HAPLN3: variants seen among roughly 807,000 people sequenced by gnomAD.
The protein encoded by HAPLN3 is extracellular link domain containing, 1.
HAPLN3 carries 28 observed loss-of-function variants against 28.1 expected under a neutral mutation model. The observed-to-expected ratio is 1.00, with a 90% CI of 0.74 to 1.37. The LOEUF (loss-of-function observed/expected upper bound fraction) is 1.37, where lower values mean the gene tolerates loss of function less well. HAPLN3 is among the 40% of genes most tolerant of loss of function. The pLI is 0.00. For missense variants in HAPLN3, 513 were observed against 504.6 expected, an observed-to-expected ratio of 1.02 and a Z score of -0.16; for synonymous variants, 211 against 213.1, an observed-to-expected ratio of 0.99 and a Z score of 0.09.
Position 88,880,147 on chromosome 15 carries a change from C to T in HAPLN3, c.494-878G>A, listed in dbSNP as rs1446812643. On this transcript the variant is annotated intron_variant, in intron 3 of 4. Coordinates refer to ENST00000359595, the MANE Select transcript of HAPLN3 (RefSeq NM_178232.4). The surrounding 1 kb of genome is among the most constrained non-coding windows in gnomAD (Gnocchi z 6.0). ...CCTGACAGTCAGCTTGCAGCCTCTACGTGTGTTTGCAGGGGGACTATTTCA... is the reference window on the plus strand; with the variant it reads ...CCTGACAGTCAGCTTGCAGCCTCTATGTGTGTTTGCAGGGGGACTATTTCA... 5.6e-5 allele frequency: 56 copies of T among 995,594 alleles called. No homozygotes were observed. Among genetic ancestry groups the T allele is most frequent in the Non-Finnish European group, 6.3e-5 (53 of 836,636 alleles). 61.7% of individuals were successfully genotyped at this position (995,594 alleles called of 1,614,324 possible). A position where few individuals can be genotyped will look rare whatever the true frequency, so the allele number is the denominator to read the frequency against.
At position 88,892,972 on chromosome 15, in the gene HAPLN3, AC is replaced by A. The variant is rs1487370720; in HGVS notation, c.-48+2486del. On this transcript the variant is annotated intron_variant, in intron 1 of 4. Transcript: ENST00000359595. ...GCCCAAGACCAAGTCCAGCCCAGTC[AC>A]CTTGGCAGTGGATAGTTCCCCAAAT... 5.2e-6 allele frequency: 8 copies of A among 1,535,828 alleles called. No homozygotes were observed. In the East Asian group the frequency reaches 2.0e-4, roughly 38 times the overall value.
rs1285346597 is a variant in HAPLN3 at position 88,878,135 on chromosome 15, A to G, written c.918T>C (p.His306=). 6.2e-7 allele frequency: 1 copy of G among 1,614,132 alleles called. No individual in the cohort carries two copies. The highest frequency in any genetic ancestry group is 2.2e-5 in the East Asian group (1 of 44,868). Residue 306 remains histidine, a synonymous_variant, in exon 5 of 5, where the codon CAT becomes CAC. Coordinates refer to ENST00000359595, the MANE Select transcript of HAPLN3 (RefSeq NM_178232.4). The part of the protein sequence containing the change: ...VGQLFAAWKF[H]GLDRCDAGWL... ...AGCCAGCGTCGCAGCGGTCCAGGCCATGGAACTTCCAGGCGGCAAAGAGCT... is the reference window on the plus strand; with the variant it reads ...AGCCAGCGTCGCAGCGGTCCAGGCCGTGGAACTTCCAGGCGGCAAAGAGCT...
At chr15:88,883,407 T>A (rs532988748) in intron 2 of HAPLN3, among the ~76,000 whole-genome samples, 2 of 152,226 alleles carry the variant, frequency 1.3e-5, no homozygotes, top group African/African-American at 4.8e-5. Context: ...AAGTCAAGAC[T>A]CAGCTTCCCC....
Position 88,880,506 on chromosome 15 carries a change from CATGTCAT to C in HAPLN3, c.493+844_493+850del, listed in dbSNP as rs1567200287. 2 of 1,271,220 alleles carry C rather than the reference CATGTCAT, an allele frequency of 1.6e-6. No homozygotes were observed. Among genetic ancestry groups the C allele is most frequent in the South Asian group, 2.5e-5 (2 of 80,050 alleles). 78.7% of individuals were successfully genotyped at this position (1,271,220 alleles called of 1,614,324 possible). A position where few individuals can be genotyped will look rare whatever the true frequency, so the allele number is the denominator to read the frequency against. Reference sequence around the variant, plus strand: ...CTAAGGGGGATGAGGCATTTACCCACATGTCATAGCTGGGACGGGCTGGGGCTAAAGT... The same window carrying C: ...CTAAGGGGGATGAGGCATTTACCCACAGCTGGGACGGGCTGGGGCTAAAGT... On this transcript the variant is annotated intron_variant, in intron 3 of 4. Coordinates refer to ENST00000359595, the MANE Select transcript of HAPLN3 (RefSeq NM_178232.4). The surrounding 1 kb of genome is among the most constrained non-coding windows in gnomAD (Gnocchi z 6.0).
At position 88,881,816 on chromosome 15, in the gene HAPLN3, C is replaced by T. The variant is rs905680333; in HGVS notation, c.125-91G>A. The T allele has an allele frequency of 5.5e-6, 8 of 1,447,318 alleles. No homozygotes were observed. The highest frequency in any genetic ancestry group is 2.3e-5 in the Admixed American group (1 of 44,320). 89.7% of individuals were successfully genotyped at this position (1,447,318 alleles called of 1,614,324 possible). The stretch of plus-strand genomic sequence containing the variant: ...CGCACACCCTCATCCACGGCTCCTA[C>T]AGGCTCAGATTGCAAAAATGGCCAC... On this transcript the variant is annotated intron_variant, in intron 2 of 4. Transcript: ENST00000359595. The surrounding 1 kb of genome is among the most constrained non-coding windows in gnomAD (Gnocchi z 6.0).
Position 88,887,155 on chromosome 15 carries a change from G to T in HAPLN3, c.124+20C>A, listed in dbSNP as rs144313123. 6.8e-6 allele frequency: 11 copies of T among 1,613,806 alleles called. No homozygotes were observed. The Admixed American group carries it at 1.7e-4, about 24-fold the overall frequency. On this transcript the variant is annotated intron_variant, in intron 2 of 4. Transcript: ENST00000359595. ...AGGTCACCCAGGGGAGCAAAGAGCC[G>T]GGTGCAGGAGGTCGCCTACCTTTGC... is the stretch of plus-strand genomic sequence containing the variant.
chr15:88,884,093 G>C (rs1897780522), intron 2 of HAPLN3, among the ~76,000 whole-genome samples: 1 of 151,734 alleles, frequency 6.6e-6, no homozygotes, highest in Non-Finnish European at 1.5e-5. Flanking sequence ...AAAAGAAAAG[G>C]CTAGAAAGAG....
At chr15:88,889,460 C>A (rs968244418) in intron 1 of HAPLN3, among the ~76,000 whole-genome samples, 3 of 152,170 alleles carry the variant, frequency 2.0e-5, no homozygotes, top group Non-Finnish European at 4.4e-5. Context: ...CTCAGCCTCC[C>A]GAGTAGCTGG....
At position 88,880,146 on chromosome 15, in the gene HAPLN3, A is replaced by G. The variant is rs1897658108; in HGVS notation, c.494-877T>C. 1 of 995,952 alleles carries G rather than the reference A, an allele frequency of 1.0e-6. No individual in the cohort carries two copies. The allele number at this position is 995,952 out of a possible 1,614,324, so 61.7% of individuals were successfully genotyped here. The stretch of plus-strand genomic sequence containing the variant: ...CCCTGACAGTCAGCTTGCAGCCTCT[A>G]CGTGTGTTTGCAGGGGGACTATTTC... On this transcript the variant is annotated intron_variant, in intron 3 of 4. Coordinates refer to ENST00000359595, the MANE Select transcript of HAPLN3 (RefSeq NM_178232.4). This position sits in a 1 kb window ranked among gnomAD's most constrained non-coding sequence, Gnocchi z 6.0.
chr15:88,878,945 CG>C (rs1567198881), intron 4 of HAPLN3, 21 bp downstream of exon 4: 8 of 1,585,194 alleles, frequency 5.0e-6, no homozygotes, highest in Non-Finnish European at 6.9e-6. Flanking sequence ...CCCACAGGCC[CG>C]CGCTTGGCTA....
chr15:88,892,131 T>C, intron 1 of HAPLN3, among the ~76,000 whole-genome samples: 1 of 152,142 alleles, frequency 6.6e-6, no homozygotes, highest in East Asian at 1.9e-4. Flanking sequence ...TCAGCAGTAA[T>C]GTAACCTCAC....
intron 2 of HAPLN3, 55 bp downstream of exon 2, chr15:88,887,120 A>C (rs1445308978): frequency 1.3e-6 from 2 of 1,593,014 alleles, no homozygotes; most frequent in Non-Finnish European, 1.7e-6. Flanking sequence ...AGCAAGAGCC[A>C]AGGAGGTCTA....
In HAPLN3 at chr15:88,879,621, T is replaced by A; in HGVS notation, c.494-352A>T. The A allele has an allele frequency of 7.9e-7, 1 of 1,267,942 alleles. No individual in the cohort carries two copies. Among genetic ancestry groups the A allele is most frequent in the Non-Finnish European group, 1.0e-6 (1 of 985,378 alleles). 78.5% of individuals were successfully genotyped at this position (1,267,942 alleles called of 1,614,324 possible). On this transcript the variant is annotated intron_variant, in intron 3 of 4. Transcript: ENST00000359595. The surrounding 1 kb of genome is among the most constrained non-coding windows in gnomAD (Gnocchi z 5.0). Reference sequence around the variant, plus strand: ...CGGGCTTTGGGCTCTAGGGGCCAGGTTTGACTCCCAGCTCCCCACTCGTTA... The same window carrying A: ...CGGGCTTTGGGCTCTAGGGGCCAGGATTGACTCCCAGCTCCCCACTCGTTA...
Position 88,880,431 on chromosome 15 carries a change from A to G in HAPLN3, c.493+926T>C. On this transcript the variant is annotated intron_variant, in intron 3 of 4. Coordinates refer to ENST00000359595, the MANE Select transcript of HAPLN3 (RefSeq NM_178232.4). This position sits in a 1 kb window ranked among gnomAD's most constrained non-coding sequence, Gnocchi z 6.0. ...ATCCTCATTGCCTCTGAGGGAGGTA[A>G]AGGAGGAAAGATTGTGATACCCCAT... The G allele has an allele frequency of 8.4e-7, 1 of 1,189,074 alleles. No individual in the cohort carries two copies. Among genetic ancestry groups the G allele is most frequent in the Non-Finnish European group, 1.1e-6 (1 of 939,072 alleles). The allele number at this position is 1,189,074 out of a possible 1,614,324, so 73.7% of individuals were successfully genotyped here.
rs1305143655 is a variant in HAPLN3, at chr15:88,888,348, C to T, written c.-47-1003G>A. Among the ~76,000 whole-genome samples the T allele has an allele frequency of 6.6e-6, 1 of 152,088 alleles. No individual in the cohort carries two copies. Among genetic ancestry groups the T allele is most frequent in the Non-Finnish European group, 1.5e-5 (1 of 68,028 alleles). On this transcript the variant is annotated intron_variant, in intron 1 of 4. Coordinates refer to ENST00000359595, the MANE Select transcript of HAPLN3 (RefSeq NM_178232.4). The surrounding 1 kb of genome is among the most constrained non-coding windows in gnomAD (Gnocchi z 4.1). ...CCTAGTGATCAGCCCGCCTCGGCCT[C>T]CCAAAGTGCTGAGATTACAGGCATA...
At chr15:88,886,625 G>C (rs955169734) in intron 2 of HAPLN3, among the ~76,000 whole-genome samples, 10 of 151,990 alleles carry the variant, frequency 6.6e-5, no homozygotes, top group African/African-American at 2.4e-4. Flanking sequence ...AGGAGTTCAA[G>C]ACCAGCCTGG....
chr15:88,887,613 GA>G (rs751715568), intron 1 of HAPLN3, among the ~76,000 whole-genome samples: 29 of 149,624 alleles, frequency 1.9e-4, no homozygotes, highest in Non-Finnish European at 4.3e-4. Context: ...GCTAAAAGCA[GA>G]GAAAATTAAG....
chr15:88,878,281 C>A lies in HAPLN3; in HGVS notation c.797-25G>T, dbSNP rs776329245. On this transcript the variant is annotated intron_variant, in intron 4 of 4. Coordinates refer to ENST00000359595, the MANE Select transcript of HAPLN3 (RefSeq NM_178232.4). ...CCTGGGGGAAAGGGGGCGTGAGTGC[C>A]GTACAGCGCAGGGGGCAGCCAGAGA... 3.8e-6 allele frequency: 6 copies of A among 1,593,522 alleles called. No homozygotes were observed. In the Admixed American group the frequency reaches 5.1e-5, roughly 13 times the overall value.
intron 2 of HAPLN3, among the ~76,000 whole-genome samples, chr15:88,886,035 G>A (rs745720928): frequency 7.2e-5 from 11 of 152,170 alleles, no homozygotes; most frequent in Non-Finnish European, 1.0e-4. Context: ...GTCAGCACCC[G>A]TGCTGCACTA....
Sources: gnomAD v4.1 joint callset for allele counts (sites outside exome capture counted in the v4.1 genomes callset) on GRCh38, gnomAD v4.1.1 for gene constraint, Gnocchi (gnomAD v3.1) non-coding constraint, MANE v1.5 for transcripts, NCBI Gene and HGNC (gene_info 2026-07-23, HGNC 2026-07-21) for gene names.